SLC44A5: variants seen among roughly 807,000 people sequenced by gnomAD.
The protein encoded by SLC44A5 is solute carrier family 44 member 5.
Under a neutral mutation model 101.8 loss-of-function variants are expected in SLC44A5, and 57 were observed. The ratio of observed to expected loss-of-function variants is 0.56; its 90% CI spans 0.45 to 0.70. The LOEUF (loss-of-function observed/expected upper bound fraction) is 0.70. Among genes scored for constraint, SLC44A5 ranks in the 30% least tolerant of loss-of-function variants. The pLI is 0.00. For synonymous variants in SLC44A5, 281 were observed against 290.9 expected (o/e 0.97, Z 0.35); for missense variants, 737 against 853.1 (o/e 0.86, Z 1.70).
the SLC44A5 span, among the ~76,000 whole-genome samples, chr1:75,660,007 C>T: frequency 1.3e-5 from 2 of 152,188 alleles, no homozygotes; most frequent in Non-Finnish European, 2.9e-5. Flanking sequence ...AGTTAGAGAC[C>T]AGCCTGGGAA....
chr1:75,603,226 A>G (rs1437128370), intron 1 of SLC44A5, among the ~76,000 whole-genome samples: 2 of 152,156 alleles, frequency 1.3e-5, no homozygotes, highest in Non-Finnish European at 2.9e-5. Context: ...AAGCGAGAAC[A>G]TGTGGTATCT....
At chr1:75,236,336 C>CA (rs1648075358) in intron 11 of SLC44A5, among the ~76,000 whole-genome samples, 1 of 151,962 alleles carries the variant, frequency 6.6e-6, no homozygotes, top group South Asian at 2.1e-4. Flanking sequence ...AAGAGCCAGA[C>CA]AGTAATGACA....
intron 2 of SLC44A5, among the ~76,000 whole-genome samples, chr1:75,424,761 C>T (rs1444847547): frequency 1.3e-5 from 2 of 151,756 alleles, no homozygotes; most frequent in South Asian, 2.1e-4. Flanking sequence ...TTTTTTCAAA[C>T]AATGCATTCT....
At chr1:75,556,259 T>C (rs897562525) in intron 1 of SLC44A5, among the ~76,000 whole-genome samples, 6 of 152,132 alleles carry the variant, frequency 3.9e-5, no homozygotes, top group Non-Finnish European at 7.4e-5. Context: ...AATACATACG[T>C]CAAAACTTAC....
intron 2 of SLC44A5, among the ~76,000 whole-genome samples, chr1:75,525,017 T>G (rs1200000148): frequency 6.6e-6 from 1 of 152,136 alleles, no homozygotes; most frequent in Non-Finnish European, 1.5e-5. Flanking sequence ...TGAGGCAAAG[T>G]TATTCTTCAC....
intron 1 of SLC44A5, among the ~76,000 whole-genome samples, chr1:75,549,490 C>A (rs1037277572): frequency 1.3e-5 from 2 of 152,150 alleles, no homozygotes; most frequent in African/African-American, 4.8e-5. Context: ...ATTTTCAATA[C>A]CTGTGACCTT....
At chr1:75,542,508 T>G (rs1014937780) in intron 1 of SLC44A5, among the ~76,000 whole-genome samples, 9 of 152,154 alleles carry the variant, frequency 5.9e-5, no homozygotes, top group Non-Finnish European at 1.0e-4. Flanking sequence ...AAAACTCTCA[T>G]CAACATGTTA....
rs1204998592 is a variant in SLC44A5 at position 75,302,104 on chromosome 1, G to GTTTTTTTTTTTTTT, written c.102-1420_102-1419insAAAAAAAAAAAAAA. Among the ~76,000 whole-genome samples, 17 of 49,610 alleles carry GTTTTTTTTTTTTTT rather than the reference G, an allele frequency of 3.4e-4. 1 individual carries two copies. Among genetic ancestry groups the GTTTTTTTTTTTTTT allele is most frequent in the African/African-American group, 6.6e-4 (7 of 10,556 alleles). The allele number at this position is 49,610 out of a possible 152,430, so 32.5% of individuals were successfully genotyped here. On this transcript the variant is annotated intron_variant, in intron 4 of 23. Coordinates refer to ENST00000370859, the MANE Select transcript of SLC44A5 (RefSeq NM_001130058.2). ...ACAAGAGAAGAAAGCAGGTGCTCTAGTTTTTTTGTTTTTTTTTTTTTTTTT... is the reference window on the plus strand; with the variant it reads ...ACAAGAGAAGAAAGCAGGTGCTCTAGTTTTTTTTTTTTTTTTTTTTTGTTTTTTTTTTTTTTTTT...
intron 2 of SLC44A5, among the ~76,000 whole-genome samples, chr1:75,437,640 A>G (rs1664965692): frequency 6.6e-6 from 1 of 152,126 alleles, no homozygotes; most frequent in African/African-American, 2.4e-5. Flanking sequence ...AGAGTTGTCC[A>G]AGGTGAAGAA....
chr1:75,654,188 A>T, the SLC44A5 span, among the ~76,000 whole-genome samples: 1 of 152,234 alleles, frequency 6.6e-6, no homozygotes, highest in South Asian at 2.1e-4. Flanking sequence ...AATACATTTA[A>T]TGACCTCTAA....
At chr1:75,232,879 G>T (rs535068973) in intron 12 of SLC44A5, among the ~76,000 whole-genome samples, 6 of 152,256 alleles carry the variant, frequency 3.9e-5, no homozygotes, top group Non-Finnish European at 8.8e-5. Flanking sequence ...TATACAACCT[G>T]CAGATTCAAC....
At chr1:75,329,197 G>GGTCCAAAC (rs1656836005) in intron 4 of SLC44A5, among the ~76,000 whole-genome samples, 2 of 152,144 alleles carry the variant, frequency 1.3e-5, no homozygotes. Context: ...CTGCTGGATA[G>GGTCCAAAC]CTGAGGCTTT....
chr1:75,370,621 C>A (rs1012099152), intron 3 of SLC44A5, among the ~76,000 whole-genome samples: 1 of 152,132 alleles, frequency 6.6e-6, no homozygotes, highest in Non-Finnish European at 1.5e-5. Flanking sequence ...GCATTCCTAG[C>A]AGATATTATA....
At chr1:75,480,300 T>A (rs561125383) in intron 2 of SLC44A5, among the ~76,000 whole-genome samples, 1 of 152,324 alleles carries the variant, frequency 6.6e-6, no homozygotes, top group South Asian at 2.1e-4. Flanking sequence ...AATATCATAC[T>A]GAATGGGAAA....
the SLC44A5 span, among the ~76,000 whole-genome samples, chr1:75,697,190 T>A: frequency 1.3e-5 from 2 of 152,168 alleles, no homozygotes; most frequent in Non-Finnish European, 2.9e-5. Flanking sequence ...AGAGGACTGC[T>A]TGAGGTCAGG....
At chr1:75,610,746 A>G (rs780671413) in intron 1 of SLC44A5, among the ~76,000 whole-genome samples, 10 of 152,212 alleles carry the variant, frequency 6.6e-5, no homozygotes, top group Admixed American at 1.3e-4. Flanking sequence ...GAGAAGATAC[A>G]TAAGTGTAAC....
chr1:75,589,844 C>A (rs1425598496), intron 1 of SLC44A5, among the ~76,000 whole-genome samples: 4 of 152,102 alleles, frequency 2.6e-5, no homozygotes, highest in African/African-American at 9.7e-5. Context: ...CAGCTGATGC[C>A]CCCTGCAGAG....
chr1:75,300,758 G>A, intron 4 of SLC44A5, 73 bp from the exon 5 acceptor site: 1 of 963,422 alleles, frequency 1.0e-6, no homozygotes, highest in Admixed American at 2.7e-5. Context: ...CAAAATGAAG[G>A]AAGAGAGAAA....
rs1553165360 is a variant in SLC44A5, at chr1:75,351,868, AAG to A, written c.53-12240_53-12239del. Among the ~76,000 whole-genome samples, 23 of 58,530 alleles carry A rather than the reference AAG, an allele frequency of 3.9e-4. No individual in the cohort carries two copies. In the East Asian group the frequency reaches 4.3e-3, roughly 11 times the overall value. 38.4% of individuals were successfully genotyped at this position (58,530 alleles called of 152,430 possible). On this transcript the variant is annotated intron_variant, in intron 3 of 23. Coordinates refer to ENST00000370859, the MANE Select transcript of SLC44A5 (RefSeq NM_001130058.2). The stretch of plus-strand genomic sequence containing the variant: ...TACCAAAAAAAAAAAAAAAAAAAAA[AAG>A]AGAGAGAGAGAGAAAGGAAAAGAAA...
Sources: gnomAD v4.1 joint callset for allele counts (sites outside exome capture counted in the v4.1 genomes callset) on GRCh38, gnomAD v4.1.1 for gene constraint, MANE v1.5 for transcripts, NCBI Gene and HGNC (gene_info 2026-07-23, HGNC 2026-07-21) for gene names.